The following GSPT1 variants were observed in gnomAD, a reference collection of about 807,000 sequenced individuals.
GSPT1 encodes the protein eukaryotic peptide chain release factor GTP-binding subunit ERF3A.
In GSPT1, 20 loss-of-function variants were observed where a neutral mutation model predicts 72.5. That is an observed-to-expected ratio of 0.28 (90% CI 0.19 to 0.40). GSPT1 has a LOEUF of 0.40. Among genes scored for constraint, GSPT1 ranks in the 10% least tolerant of loss-of-function variants. The pLI is 1.00. For missense variants in GSPT1, 580 were observed against 811.9 expected (o/e 0.71, Z 3.47); for synonymous variants, 334 against 293.5 (o/e 1.14, Z -1.41).
At chr16:11,913,048 C>T (rs1596478959) in intron 1 of GSPT1, among the ~76,000 whole-genome samples, 1 of 152,204 alleles carries the variant, frequency 6.6e-6, no homozygotes, top group Non-Finnish European at 1.5e-5. Context: ...AACATGCTAG[C>T]CCTATTGTCC....
intron 1 of GSPT1, among the ~76,000 whole-genome samples, chr16:11,914,689 C>T (rs33620): frequency 6.6e-6 from 1 of 152,000 alleles, no homozygotes; most frequent in Non-Finnish European, 1.5e-5. Context: ...TCAATATAGT[C>T]TCCTATCACA....
Position 11,873,107 on chromosome 16 carries a change from T to C in GSPT1, c.*12A>G, listed in dbSNP as rs755049292. On this transcript the variant is annotated 3_prime_UTR_variant, in exon 15 of 15. Coordinates refer to ENST00000434724, the MANE Select transcript of GSPT1 (RefSeq NM_002094.4). ...TTCCTCACAGTATTGTGCAGGGTCA[T>C]CAAGAAAATGCTTAGTCTTTCTCTG... 1.0e-5 allele frequency: 16 copies of C among 1,537,266 alleles called. No individual in the cohort carries two copies. Among genetic ancestry groups the C allele is most frequent in the Admixed American group, 6.7e-5 (4 of 59,806 alleles).
At chr16:11,903,785 T>C (rs1237775356) in intron 1 of GSPT1, 1 of 152,260 alleles carries the variant, frequency 6.6e-6, no homozygotes. Context: ...CACTTTAAAA[T>C]GGCTTTATTT....
chr16:11,896,104 C>A (rs1200802518), intron 4 of GSPT1, among the ~76,000 whole-genome samples: 3 of 152,082 alleles, frequency 2.0e-5, no homozygotes, highest in African/African-American at 7.2e-5. Flanking sequence ...TAAATTTGTT[C>A]TTTTGTTTTT....
rs75229290 is a variant in GSPT1, at chr16:11,900,259, G to A, written c.353-2224C>T. ...AAGGCAGGAGAATCGCTTGAACCCG[G>A]GAGGTGGAGGTTGCAGTGAGCCAAG... On this transcript the variant is annotated intron_variant, in intron 1 of 14. Coordinates refer to ENST00000434724, the MANE Select transcript of GSPT1 (RefSeq NM_002094.4). Among the ~76,000 whole-genome samples the A allele has an allele frequency of 2.6e-5, 4 of 151,926 alleles. No homozygotes were observed. In the East Asian group the frequency reaches 7.7e-4, roughly 29 times the overall value.
In GSPT1 at chr16:11,915,668, C is replaced by T. The variant is rs1270273310; in HGVS notation, c.53G>A (p.Ser18Asn). 1 of 1,486,464 alleles carries T rather than the reference C, an allele frequency of 6.7e-7. No homozygotes were observed. Among genetic ancestry groups the T allele is most frequent in the Non-Finnish European group, 8.9e-7 (1 of 1,123,220 alleles). 92.1% of individuals were successfully genotyped at this position (1,486,464 alleles called of 1,614,324 possible). A position where few individuals can be genotyped will look rare whatever the true frequency, so the allele number is the denominator to read the frequency against. Residue 18 changes from serine (S) to asparagine (N), a missense_variant, in exon 1 of 15, where the codon AGC becomes AAC. Around this residue, in one of 6 missense-constraint regions of GSPT1, gnomAD observed 327 missense variants for 298.8 expected, o/e 1.09. Coordinates refer to ENST00000434724, the MANE Select transcript of GSPT1 (RefSeq NM_002094.4). ...GGGGGGGGGSSSGSSSSDSAP... is the reference protein window; with the variant it reads ...GGGGGGGGGSNSGSSSSDSAP... ...CGAGTCGCTGCTGCTGCTGCCGCTG[C>T]TGCTCCCGCCGCCGCCGCCGCCGCC...
At chr16:11,878,149 CTT>C (rs1213958278) in intron 11 of GSPT1, among the ~76,000 whole-genome samples, 2 of 152,046 alleles carry the variant, frequency 1.3e-5, no homozygotes, top group East Asian at 3.9e-4. Context: ...GAGTTTTGCT[CTT>C]GTTGCCCAGG....
At position 11,896,621 on chromosome 16, in the gene GSPT1, C is replaced by T; in HGVS notation, c.601G>A (p.Val201Met). The T allele has an allele frequency of 3.1e-6, 5 of 1,610,080 alleles. No individual in the cohort carries two copies. The highest frequency in any genetic ancestry group is 4.2e-6 in the Non-Finnish European group (5 of 1,178,062). The change falls in exon 4 of 15, where the codon GTG becomes ATG. Residue 201 changes from valine to methionine, a missense_variant. Around this residue, in one of 6 missense-constraint regions of GSPT1, gnomAD observed 327 missense variants for 298.8 expected, o/e 1.09. Transcript: ENST00000434724. ...EEEEIPKPKSVVAPPGAPKKE... is the reference protein window; with the variant it reads ...EEEEIPKPKSMVAPPGAPKKE... ...TTAGGAGCACCTGGCGGTGCAACCA[C>T]AGACTTAGGTTTTGGGATTTCCTCT...
chr16:11,916,098 CG>C (rs2054634767), upstream of GSPT1: 3 of 479,474 alleles, frequency 6.3e-6, no homozygotes, highest in South Asian at 4.6e-5. Flanking sequence ...TTTAGCGCGG[CG>C]GGAGGTGGAA....
intron 1 of GSPT1, 169 bp downstream of exon 1, chr16:11,915,200 C>T (rs2054616120): frequency 9.2e-7 from 1 of 1,082,134 alleles, no homozygotes; most frequent in African/African-American, 1.7e-5. Flanking sequence ...GCGGGCCGCC[C>T]CGCGAAGGCC....
At chr16:11,902,965 C>G (rs1483938257) in intron 1 of GSPT1, among the ~76,000 whole-genome samples, 1 of 152,044 alleles carries the variant, frequency 6.6e-6, no homozygotes, top group African/African-American at 2.4e-5. Context: ...AATCCACCCA[C>G]CTCAGCCTCC....
chr16:11,887,430 G>A (rs1043843622), intron 7 of GSPT1, 140 bp downstream of exon 7: 1 of 666,778 alleles, frequency 1.5e-6, no homozygotes, highest in Non-Finnish European at 2.6e-6. Context: ...AGAGAGATTA[G>A]TATGATGAAA....
chr16:11,894,095 G>A (rs2054303611), intron 5 of GSPT1, among the ~76,000 whole-genome samples: 1 of 143,414 alleles, frequency 7.0e-6, no homozygotes, highest in South Asian at 2.2e-4. Flanking sequence ...GGTCGAGGCT[G>A]CAGTGAGCCA....
chr16:11,896,708 C>T lies in GSPT1; in HGVS notation c.514G>A (p.Gly172Ser), dbSNP rs759440542. Residue 172 changes from glycine to serine, a missense_variant, in exon 4 of 15, where the codon GGT becomes AGT. Physicochemically the swap from Gly to Ser is moderately conservative, Grantham distance 56. This residue lies in a region of GSPT1 where 327 missense variants were observed against 298.8 expected (regional missense o/e 1.09). Transcript: ENST00000434724. ...KEEISEAEPGGGSLGDGRPPE... is the reference protein window; with the variant it reads ...KEEISEAEPGSGSLGDGRPPE... ...GGCCTTCCATCTCCCAAGGAACCAC[C>T]CCCTGGCTCTGCTTCACTTATTTCT... The T allele has an allele frequency of 2.5e-6, 4 of 1,607,426 alleles. No homozygotes were observed. The highest frequency in any genetic ancestry group is 3.4e-6 in the Non-Finnish European group (4 of 1,176,846).
chr16:11,889,114 G>C (rs973986502), intron 6 of GSPT1, among the ~76,000 whole-genome samples: 3 of 151,840 alleles, frequency 2.0e-5, no homozygotes, highest in African/African-American at 4.8e-5. Flanking sequence ...TGAGACCATC[G>C]TAGCTAACAC....
At chr16:11,882,298 T>C (rs1408271853) in intron 11 of GSPT1, 1 of 152,182 alleles carries the variant, frequency 6.6e-6, no homozygotes, top group Non-Finnish European at 1.5e-5. Context: ...TGAGAATTAT[T>C]TTCACTCATA....
intron 6 of GSPT1, among the ~76,000 whole-genome samples, chr16:11,890,473 TAAC>T (rs2054244976): frequency 6.6e-6 from 1 of 152,174 alleles, no homozygotes; most frequent in Admixed American, 6.6e-5. Context: ...CAATTTTTTA[TAAC>T]AACACTGACT....
chr16:11,890,800 C>CA (rs960055408), intron 6 of GSPT1: 13 of 248,098 alleles, frequency 5.2e-5, no homozygotes, highest in African/African-American at 2.9e-4. Flanking sequence ...TCAGTGGTTG[C>CA]AAAATCACCC....
Position 11,898,025 on chromosome 16 carries a change from T to C in GSPT1, c.363A>G (p.Glu121=). The C allele has an allele frequency of 6.5e-7, 1 of 1,544,628 alleles. No homozygotes were observed. Among genetic ancestry groups the C allele is most frequent in the Non-Finnish European group, 8.8e-7 (1 of 1,138,990 alleles). Residue 121 remains glutamate (E), a synonymous_variant, in exon 2 of 15, where the codon GAA becomes GAG. Transcript: ENST00000434724. ...SGAGGRAAPV[E]SSQEEQSLCE... ...ACAATGACTGTTCCTCTTGAGAGGA[T>C]TCCACAGGTGCTGTTTAACAGAAAG... is the stretch of plus-strand genomic sequence containing the variant.
Sources: gnomAD v4.1 joint callset for allele counts (sites outside exome capture counted in the v4.1 genomes callset) on GRCh38, gnomAD v4.1.1 for gene constraint, gnomAD v4.1.1 regional missense constraint, MANE v1.5 for transcripts, NCBI Gene and HGNC (gene_info 2026-07-23, HGNC 2026-07-21) for gene names.